CADM1: variants seen among roughly 807,000 people sequenced by gnomAD.
CADM1 encodes the protein TSLC-1.
In CADM1, 15 loss-of-function variants were observed where a neutral mutation model predicts 53.1. The ratio of observed to expected loss-of-function variants is 0.28; its 90% CI spans 0.19 to 0.44. CADM1 has a LOEUF of 0.44. Ranked by LOEUF, CADM1 falls within the 20% of genes least tolerant of loss-of-function variation. The probability of loss-of-function intolerance (pLI) is 1.00; values close to 1 mark genes in which losing one functional copy is unlikely to be tolerated. For synonymous variants in CADM1, 281 were observed against 243.0 expected (o/e 1.16, Z -1.45); for missense variants, 434 against 611.3 (o/e 0.71, Z 3.06).
intron 1 of CADM1, among the ~76,000 whole-genome samples, chr11:115,354,506 G>A (rs1006329099): frequency 1.3e-4 from 20 of 152,254 alleles, no homozygotes; most frequent in African/African-American, 4.3e-4. Context: ...AGGTTACTGA[G>A]CCTTGATGAC....
chr11:115,284,933 A>G (rs774521070), intron 1 of CADM1, among the ~76,000 whole-genome samples: 2 of 152,264 alleles, frequency 1.3e-5, no homozygotes, highest in Admixed American at 1.3e-4. Flanking sequence ...ACTCTATCCA[A>G]GAATGCCATG....
chr11:115,261,492 G>T (rs543495037), intron 1 of CADM1, among the ~76,000 whole-genome samples: 1 of 152,246 alleles, frequency 6.6e-6, no homozygotes, highest in East Asian at 1.9e-4. Flanking sequence ...CTGAGATAAG[G>T]ATTAATATTT....
intron 1 of CADM1, among the ~76,000 whole-genome samples, chr11:115,348,137 G>T (rs1282935347): frequency 6.6e-6 from 1 of 152,130 alleles, no homozygotes; most frequent in East Asian, 1.9e-4. Context: ...ATTGAAAAGA[G>T]AAACCACACC....
intron 1 of CADM1, among the ~76,000 whole-genome samples, chr11:115,282,929 G>T (rs539295516): frequency 1.3e-5 from 2 of 152,068 alleles, no homozygotes; most frequent in Non-Finnish European, 2.9e-5. Flanking sequence ...ACAGAGCATA[G>T]AAATTACTGG....
chr11:115,388,819 C>T (rs1056876589), intron 1 of CADM1, among the ~76,000 whole-genome samples: 2 of 152,040 alleles, frequency 1.3e-5, no homozygotes, highest in Admixed American at 1.3e-4. Flanking sequence ...AGAGACATAA[C>T]AGCTAGATGC....
At chr11:115,184,653 C>T (rs1003832242) in intron 10 of CADM1, among the ~76,000 whole-genome samples, 1 of 152,176 alleles carries the variant, frequency 6.6e-6, no homozygotes, top group African/African-American at 2.4e-5. Flanking sequence ...CATATAGCAT[C>T]CCAGGCATCT....
At chr11:115,329,451 A>C (rs1378473087) in intron 1 of CADM1, among the ~76,000 whole-genome samples, 1 of 151,996 alleles carries the variant, frequency 6.6e-6, no homozygotes, top group African/African-American at 2.4e-5. Context: ...CCCCCCTCAC[A>C]AGACATGCAA....
chr11:115,455,382 A>G (rs190742290), intron 1 of CADM1, among the ~76,000 whole-genome samples: 25 of 151,824 alleles, frequency 1.6e-4, no homozygotes, highest in African/African-American at 5.8e-4. Flanking sequence ...GAAAAGAGGT[A>G]CTTCAAAGGC....
intron 1 of CADM1, among the ~76,000 whole-genome samples, chr11:115,450,460 G>A (rs1337386965): frequency 1.9e-4 from 29 of 152,192 alleles, no homozygotes; most frequent in Admixed American, 6.5e-5. Flanking sequence ...CCTTGATGCT[G>A]ATGTGATCTT....
Position 115,504,348 on chromosome 11 carries a change from G to C in CADM1, c.47C>G (p.Ala16Gly), listed in dbSNP as rs1949806816. ...GAGCCCGGGAGGCGCCGCCGCCGCC[G>C]CTGCCGCCGCACACTGGGATCCGCT... ...LPSGSQCAAA[A>G]AAAAPPGLRL... The change falls in exon 1 of 12, where the codon GCG (alanine) becomes GGG (glycine). Residue 16 changes from alanine (A) to glycine (G), a missense_variant. Coordinates refer to ENST00000331581, the MANE Select transcript of CADM1 (RefSeq NM_001301043.2). 1 of 1,548,664 alleles carries C rather than the reference G, an allele frequency of 6.5e-7. No individual in the cohort carries two copies. Among genetic ancestry groups the C allele is most frequent in the African/African-American group, 1.4e-5 (1 of 73,002 alleles).
At chr11:115,213,460 T>C (rs112077430) in intron 7 of CADM1, among the ~76,000 whole-genome samples, 2,107 of 148,880 alleles carry the variant, frequency 0.014, 40 homozygotes, top group African/African-American at 0.049. Context: ...GGTGATTAGA[T>C]GTGATCTTTT....
intron 3 of CADM1, among the ~76,000 whole-genome samples, chr11:115,237,991 G>T (rs1204826322): frequency 6.6e-6 from 1 of 152,134 alleles, no homozygotes; most frequent in African/African-American, 2.4e-5. Context: ...CATGGAGTAT[G>T]ATTTTTTTAC....
chr11:115,379,629 T>C (rs1946525320), intron 1 of CADM1, among the ~76,000 whole-genome samples: 1 of 152,216 alleles, frequency 6.6e-6, no homozygotes, highest in African/African-American at 2.4e-5. Context: ...GTGGTGATTG[T>C]GTTTCTTGAT....
chr11:115,175,550 G>A lies in CADM1; in HGVS notation c.*924C>T, dbSNP rs1938989517. On this transcript the variant is annotated 3_prime_UTR_variant, in exon 12 of 12. Transcript: ENST00000331581. ...CCCCCCTCCCTACTTCCCCTCCTGT[G>A]GCAACTCAAAATTTGTCCACTTATA... 1.0e-6 allele frequency: 1 copy of A among 985,210 alleles called. No homozygotes were observed. The highest frequency in any genetic ancestry group is 1.2e-6 in the Non-Finnish European group (1 of 829,948). The allele number at this position is 985,210 out of a possible 1,614,324, so 61.0% of individuals were successfully genotyped here.
At chr11:115,186,677 A>G (rs956246486) in intron 10 of CADM1, among the ~76,000 whole-genome samples, 2 of 151,962 alleles carry the variant, frequency 1.3e-5, no homozygotes, top group Non-Finnish European at 2.9e-5. Context: ...ATCTCAGGAG[A>G]TTTTCATGAA....
chr11:115,494,922 C>T (rs992463322), intron 1 of CADM1, among the ~76,000 whole-genome samples: 8 of 151,940 alleles, frequency 5.3e-5, no homozygotes, highest in African/African-American at 1.9e-4. Context: ...CCAACCTGGC[C>T]CAGAGATGGA....
chr11:115,394,894 T>C (rs1946954864), intron 1 of CADM1, among the ~76,000 whole-genome samples: 1 of 152,150 alleles, frequency 6.6e-6, no homozygotes. Context: ...TTAATGTTCA[T>C]CCATTATTCA....
intron 1 of CADM1, among the ~76,000 whole-genome samples, chr11:115,438,424 C>G (rs1948231903): frequency 6.6e-6 from 1 of 151,958 alleles, no homozygotes; most frequent in South Asian, 2.1e-4. Flanking sequence ...TGGAAACTGA[C>G]AGGACAAGCA....
At chr11:115,224,289 GAA>G (rs71969260) in intron 5 of CADM1, among the ~76,000 whole-genome samples, 6 of 147,120 alleles carry the variant, frequency 4.1e-5, no homozygotes, top group East Asian at 3.9e-4. Flanking sequence ...GGGAATGAAA[GAA>G]AAAAAAAAAT....
Sources: gnomAD v4.1 joint callset for allele counts (sites outside exome capture counted in the v4.1 genomes callset) on GRCh38, gnomAD v4.1.1 for gene constraint, MANE v1.5 for transcripts, NCBI Gene and HGNC (gene_info 2026-07-23, HGNC 2026-07-21) for gene names.